The following KLHL12 variants were observed in gnomAD, a reference collection of about 807,000 sequenced individuals.
KLHL12 encodes kelch like family member 12.
In KLHL12, 17 loss-of-function variants were observed where a neutral mutation model predicts 60.8. The ratio of observed to expected loss-of-function variants is 0.28; its 90% CI spans 0.19 to 0.42. KLHL12 has a LOEUF of 0.42. Among genes scored for constraint, KLHL12 ranks in the 10% least tolerant of loss-of-function variants. The pLI is 1.00. For missense variants in KLHL12, 468 were observed against 722.3 expected (o/e 0.65, Z 4.04); for synonymous variants, 220 against 250.9 (o/e 0.88, Z 1.16).
chr1:202,908,614 G>A (rs1333818519), intron 6 of KLHL12, among the ~76,000 whole-genome samples: 1 of 151,946 alleles, frequency 6.6e-6, no homozygotes, highest in Non-Finnish European at 1.5e-5. Flanking sequence ...TCTTCATTCC[G>A]GAATGGAAAA....
At chr1:202,920,151 T>C (rs1376183524) in intron 2 of KLHL12, among the ~76,000 whole-genome samples, 1 of 151,594 alleles carries the variant, frequency 6.6e-6, no homozygotes, top group Non-Finnish European at 1.5e-5. Flanking sequence ...CCGTCTCCAC[T>C]AGAAATACAA....
rs373159355 is a variant in KLHL12, at chr1:202,895,212, C to T, written c.1135+310G>A. On this transcript the variant is annotated intron_variant, in intron 8 of 11. Coordinates refer to ENST00000367261, the MANE Select transcript of KLHL12 (RefSeq NM_021633.4). The surrounding 1 kb of genome is among the most constrained non-coding windows in gnomAD (Gnocchi z 4.2). ...TTAGAGATCAGCCTGGGCAACATGGCGAAACCCCATCTCTACTAAAAATAC... is the reference window on the plus strand; with the variant it reads ...TTAGAGATCAGCCTGGGCAACATGGTGAAACCCCATCTCTACTAAAAATAC... Among the ~76,000 whole-genome samples the T allele has an allele frequency of 4.0e-5, 6 of 151,870 alleles. No homozygotes were observed. In the East Asian group the frequency reaches 7.7e-4, roughly 20 times the overall value.
chr1:202,911,538 T>C (rs1009325618), intron 4 of KLHL12, among the ~76,000 whole-genome samples: 2 of 152,110 alleles, frequency 1.3e-5, no homozygotes, highest in African/African-American at 2.4e-5. Context: ...TCAGAATTTT[T>C]CCCATTCCTG....
In KLHL12 at chr1:202,893,624, A is replaced by G. The variant is rs1422100869; in HGVS notation, c.1394-199T>C. 6.6e-6 allele frequency among the ~76,000 whole-genome samples: 1 copy of G among 152,254 alleles called. No homozygotes were observed. The highest frequency in any genetic ancestry group is 1.5e-5 in the Non-Finnish European group (1 of 68,052). On this transcript the variant is annotated intron_variant, in intron 10 of 11. Transcript: ENST00000367261. This position sits in a 1 kb window ranked among gnomAD's most constrained non-coding sequence, Gnocchi z 4.1. ...CCCTTTGGCTTGGACTTGAAATGAT[A>G]AAAGATAAATAATAAAAATGGTTCT...
chr1:202,915,724 C>G (rs2102445248), intron 4 of KLHL12, among the ~76,000 whole-genome samples: 1 of 152,296 alleles, frequency 6.6e-6, no homozygotes, highest in South Asian at 2.1e-4. Flanking sequence ...CTGGCTCTAC[C>G]ACTTACTAGT....
At chr1:202,927,245 G>A, upstream of KLHL12, 49 of 985,118 alleles carry the variant, frequency 5.0e-5, no homozygotes, top group Non-Finnish European at 5.8e-5. Context: ...GGCCCCTGCG[G>A]CCGCGCGACG....
rs1432141546 is a variant in KLHL12 at position 202,927,186 on chromosome 1, G to C, written c.-143C>G. ...AGCAGGCGGCTCGGGAGGAGCCGAAGCGCCGCCCAGACCCGGAGGCTCTGG... is the reference window on the plus strand; with the variant it reads ...AGCAGGCGGCTCGGGAGGAGCCGAACCGCCGCCCAGACCCGGAGGCTCTGG... On this transcript the variant is annotated 5_prime_UTR_variant, in exon 1 of 12. Transcript: ENST00000367261. The C allele has an allele frequency of 2.0e-6, 2 of 985,116 alleles. No homozygotes were observed. Among genetic ancestry groups the C allele is most frequent in the Admixed American group, 6.1e-5 (1 of 16,268 alleles). 61.0% of individuals were successfully genotyped at this position (985,116 alleles called of 1,614,324 possible).
At chr1:202,902,142 C>T (rs1660024970) in intron 6 of KLHL12, among the ~76,000 whole-genome samples, 1 of 152,026 alleles carries the variant, frequency 6.6e-6, no homozygotes, top group African/African-American at 2.4e-5. Flanking sequence ...TTATAAAACA[C>T]AAATGGGGGC....
chr1:202,892,754 A>C, intron 11 of KLHL12, 95 bp from the exon 12 acceptor site: 4 of 1,363,006 alleles, frequency 2.9e-6, no homozygotes, highest in Non-Finnish European at 4.0e-6. Flanking sequence ...AGGTAAGAGG[A>C]TTGCTTAAGC....
At chr1:202,925,294 A>G in intron 1 of KLHL12, 87 bp from the exon 2 acceptor site, 12 of 1,443,738 alleles carry the variant, frequency 8.3e-6, no homozygotes, top group Non-Finnish European at 1.1e-5. Context: ...TTAAGAACCT[A>G]AGAGGCTTCC....
Position 202,925,101 on chromosome 1 carries a change from T to C in KLHL12, c.62A>G (p.Asn21Ser). Reference protein sequence around the residue: ...MTNTHAKSILNSMNSLRKSNT... With the variant: ...MTNTHAKSILSSMNSLRKSNT... ...GCTCTTCCTGAGGGAGTTCATTGAATTGAGGATGGATTTAGCATGAGTATT... is the reference window on the plus strand; with the variant it reads ...GCTCTTCCTGAGGGAGTTCATTGAACTGAGGATGGATTTAGCATGAGTATT... The change falls in exon 2 of 12, where the codon AAT (asparagine) becomes AGT (serine). Residue 21 changes from asparagine (N) to serine (S), a missense_variant. Asn to Ser is a conservative substitution (Grantham distance 46, BLOSUM62 1). This residue lies in a region of KLHL12 where 61 missense variants were observed against 59.9 expected (regional missense o/e 1.02). Transcript: ENST00000367261. The C allele has an allele frequency of 3.1e-6, 5 of 1,614,128 alleles. No homozygotes were observed. The highest frequency in any genetic ancestry group is 4.2e-6 in the Non-Finnish European group (5 of 1,180,020).
At position 202,918,312 on chromosome 1, in the gene KLHL12, A is replaced by G. The variant is rs146660695; in HGVS notation, c.426T>C (p.Ala142=). 2.2e-4 allele frequency: 358 copies of G among 1,614,090 alleles called. No individual in the cohort carries two copies. Among genetic ancestry groups the G allele is most frequent in the Non-Finnish European group, 2.9e-4 (344 of 1,180,026 alleles). Residue 142 remains alanine (A), a synonymous_variant, in exon 4 of 12, where the codon GCT becomes GCC. Coordinates refer to ENST00000367261, the MANE Select transcript of KLHL12 (RefSeq NM_021633.4). Reference sequence around the variant, plus strand: ...TCAGGTCAACACAATTGTGGGTTTCAGCAAAATCCCTAATACCCAGGCAAT... The same window carrying G: ...TCAGGTCAACACAATTGTGGGTTTCGGCAAAATCCCTAATACCCAGGCAAT... The part of the protein sequence containing the change: ...PSNCLGIRDF[A]ETHNCVDLMQ...
intron 7 of KLHL12, among the ~76,000 whole-genome samples, chr1:202,896,258 T>C (rs1325213563): frequency 6.6e-6 from 1 of 152,040 alleles, no homozygotes; most frequent in African/African-American, 2.4e-5. Context: ...ACAATCACAG[T>C]TCACTGCAAC....
At chr1:202,898,858 T>C (rs562133886) in intron 6 of KLHL12, among the ~76,000 whole-genome samples, 48 of 151,588 alleles carry the variant, frequency 3.2e-4, no homozygotes, top group African/African-American at 8.5e-4. Flanking sequence ...CAACAAAAAA[T>C]TATGGAAAAA....
chr1:202,904,044 G>A (rs1241804037), intron 6 of KLHL12, among the ~76,000 whole-genome samples: 1 of 150,598 alleles, frequency 6.6e-6, no homozygotes, highest in Non-Finnish European at 1.5e-5. Context: ...ATGAGATGGA[G>A]TTTTGCTCTT....
chr1:202,894,454 A>G, intron 9 of KLHL12, 137 bp downstream of exon 9: 3 of 934,774 alleles, frequency 3.2e-6, no homozygotes, highest in Non-Finnish European at 3.4e-6. Context: ...AATCCCAATT[A>G]ATGGAAAATA....
At chr1:202,918,101 C>T in intron 4 of KLHL12, 70 bp downstream of exon 4, 1 of 1,123,906 alleles carries the variant, frequency 8.9e-7, no homozygotes, top group Non-Finnish European at 1.3e-6. Flanking sequence ...TGGTAAGTAA[C>T]TGCATCCTAT....
rs1660302706 is a variant in KLHL12, at chr1:202,909,811, A to C, written c.718-687T>G. 6.6e-6 allele frequency among the ~76,000 whole-genome samples: 1 copy of C among 152,010 alleles called. No homozygotes were observed. Among genetic ancestry groups the C allele is most frequent in the Non-Finnish European group, 1.5e-5 (1 of 67,996 alleles). ...TCTTTCCTTTAAGGTTCTAGTAACCACTCCTCAACCTTGTCCCTTCAGGCT... is the reference window on the plus strand; with the variant it reads ...TCTTTCCTTTAAGGTTCTAGTAACCCCTCCTCAACCTTGTCCCTTCAGGCT... On this transcript the variant is annotated intron_variant, in intron 5 of 11. Transcript: ENST00000367261. This position sits in a 1 kb window ranked among gnomAD's most constrained non-coding sequence, Gnocchi z 4.1.
At chr1:202,903,741 A>G (rs775784323) in intron 6 of KLHL12, among the ~76,000 whole-genome samples, 4 of 143,946 alleles carry the variant, frequency 2.8e-5, no homozygotes, top group African/African-American at 7.7e-5. Flanking sequence ...TCCTGCCTCA[A>G]CCTCCCCAAT....
Sources: allele counts gnomAD v4.1 joint callset (sites outside exome capture counted in the v4.1 genomes callset), GRCh38; gene constraint gnomAD v4.1.1; regional missense constraint gnomAD v4.1.1; non-coding constraint Gnocchi (gnomAD v3.1); transcripts MANE v1.5; gene names NCBI Gene and HGNC (gene_info 2026-07-23, HGNC 2026-07-21).